Variants in ZNF804A observed in about 807,000 individuals in gnomAD.
ZNF804A encodes the protein zinc finger protein 804A.
ZNF804A carries 2 observed loss-of-function variants against 16.5 expected under a neutral mutation model. The ratio of observed to expected loss-of-function variants is 0.12; its 90% CI spans 0.05 to 0.38. ZNF804A has a LOEUF of 0.38. Among genes scored for constraint, ZNF804A ranks in the 10% least tolerant of loss-of-function variants. ZNF804A has a pLI of 0.99. For synonymous variants in ZNF804A, 534 were observed against 489.6 expected, an observed-to-expected ratio of 1.09 and a Z score of -1.20; for missense variants, 1,473 against 1,390.7, an observed-to-expected ratio of 1.06 and a Z score of -0.94.
At chr2:184,637,503 T>C (rs1040203949) in intron 1 of ZNF804A, among the ~76,000 whole-genome samples, 2 of 152,188 alleles carry the variant, frequency 1.3e-5, no homozygotes, top group Admixed American at 6.5e-5. Context: ...ATTCCAAATA[T>C]AAAAAGTATA....
intron 2 of ZNF804A, among the ~76,000 whole-genome samples, chr2:184,906,806 T>C (rs909561248): frequency 6.6e-6 from 1 of 152,204 alleles, no homozygotes; most frequent in Admixed American, 6.5e-5. Context: ...TCTAATTCCC[T>C]GAGCTCTTTA....
At chr2:184,682,844 A>C (rs1324800226) in intron 1 of ZNF804A, among the ~76,000 whole-genome samples, 2 of 152,074 alleles carry the variant, frequency 1.3e-5, no homozygotes, top group Non-Finnish European at 2.9e-5. Flanking sequence ...AGATCTCTAC[A>C]AAAAAATACA....
chr2:184,745,509 C>T (rs1693776966), intron 1 of ZNF804A, among the ~76,000 whole-genome samples: 1 of 151,542 alleles, frequency 6.6e-6, no homozygotes, highest in Non-Finnish European at 1.5e-5. Context: ...ATGTAATTAT[C>T]ACTATCCTTC....
intron 1 of ZNF804A, among the ~76,000 whole-genome samples, chr2:184,615,706 A>G (rs1475703427): frequency 1.3e-5 from 2 of 152,098 alleles, no homozygotes; most frequent in African/African-American, 4.8e-5. Context: ...ATAGGCAGTG[A>G]TATAAGGAAT....
intron 1 of ZNF804A, among the ~76,000 whole-genome samples, chr2:184,722,056 G>A (rs549376981): frequency 6.6e-6 from 1 of 152,026 alleles, no homozygotes; most frequent in South Asian, 2.1e-4. Context: ...GGTAGAGAGT[G>A]GAATGATAGA....
intron 1 of ZNF804A, among the ~76,000 whole-genome samples, chr2:184,704,340 C>T (rs1203838715): frequency 1.3e-5 from 2 of 151,858 alleles, no homozygotes; most frequent in African/African-American, 4.8e-5. Flanking sequence ...TTAGTAGAGA[C>T]GGGGTTTCTC....
chr2:184,647,990 G>A (rs1176830157), intron 1 of ZNF804A, among the ~76,000 whole-genome samples: 1 of 152,092 alleles, frequency 6.6e-6, no homozygotes, highest in South Asian at 2.1e-4. Context: ...TAGATAAAAA[G>A]CTCAAATAAT....
At chr2:184,697,405 T>C (rs140622098) in intron 1 of ZNF804A, among the ~76,000 whole-genome samples, 8 of 152,204 alleles carry the variant, frequency 5.3e-5, no homozygotes, top group Non-Finnish European at 1.0e-4. Context: ...ATAGGTGAGT[T>C]TGATATCCCA....
Position 184,696,366 on chromosome 2 carries a change from G to A in ZNF804A, c.111+97296G>A, listed in dbSNP as rs189855773. ...GAAATCTCATGTATGTAGAATCAAAGTCTGAAATCTAGTAAAAAGAGGGAT... is the reference window on the plus strand; with the variant it reads ...GAAATCTCATGTATGTAGAATCAAAATCTGAAATCTAGTAAAAAGAGGGAT... On this transcript the variant is annotated intron_variant, in intron 1 of 3. Coordinates refer to ENST00000302277, the MANE Select transcript of ZNF804A (RefSeq NM_194250.2). Among the ~76,000 whole-genome samples the A allele has an allele frequency of 3.0e-3, 453 of 152,196 alleles. 1 individual carries two copies. The highest frequency in any genetic ancestry group is 0.011 in the African/African-American group (439 of 41,524).
At chr2:184,687,309 C>A (rs1257500368) in intron 1 of ZNF804A, among the ~76,000 whole-genome samples, 1 of 152,100 alleles carries the variant, frequency 6.6e-6, no homozygotes, top group African/African-American at 2.4e-5. Flanking sequence ...TACTGTCGGC[C>A]TTGTCAAAGA....
At chr2:184,636,454 A>T (rs13401701) in intron 1 of ZNF804A, among the ~76,000 whole-genome samples, 52,189 of 90,872 alleles carry the variant, frequency 0.57, 12,591 homozygotes, top group Middle Eastern at 0.61. Flanking sequence ...TGTGTGTGTG[A>T]GAGAGAGAGA....
At chr2:184,919,043 T>A (rs1685493004) in intron 2 of ZNF804A, among the ~76,000 whole-genome samples, 1 of 152,176 alleles carries the variant, frequency 6.6e-6, no homozygotes, top group South Asian at 2.1e-4. Flanking sequence ...AGAAGTTAAT[T>A]TCTTAAGCCT....
chr2:184,744,414 G>A (rs748192467), intron 1 of ZNF804A, among the ~76,000 whole-genome samples: 1 of 151,796 alleles, frequency 6.6e-6, no homozygotes, highest in Non-Finnish European at 1.5e-5. Context: ...AAAGTGATTA[G>A]ACCATGAGGG....
At chr2:184,622,493 AT>A (rs1338622545) in intron 1 of ZNF804A, among the ~76,000 whole-genome samples, 3 of 151,800 alleles carry the variant, frequency 2.0e-5, no homozygotes. Flanking sequence ...TTAATATAAT[AT>A]TTTACATTAT....
intron 1 of ZNF804A, among the ~76,000 whole-genome samples, chr2:184,695,385 C>T (rs1013058286): frequency 6.9e-6 from 1 of 145,296 alleles, no homozygotes; most frequent in South Asian, 2.2e-4. Context: ...GGCGTGAACC[C>T]GGTAGGCGGA....
chr2:184,872,987 G>T (rs1695998221), intron 2 of ZNF804A, among the ~76,000 whole-genome samples: 1 of 152,154 alleles, frequency 6.6e-6, no homozygotes. Flanking sequence ...CAGGTCAATA[G>T]TGAAGGGATA....
Position 184,842,453 on chromosome 2 carries a change from G to A in ZNF804A, c.112-23916G>A, listed in dbSNP as rs540300569. Among the ~76,000 whole-genome samples the A allele has an allele frequency of 1.9e-3, 295 of 151,684 alleles. 1 individual carries two copies. Among genetic ancestry groups the A allele is most frequent in the African/African-American group, 6.8e-3 (283 of 41,402 alleles). ...AAAAATTCACAAAGCTAGAAGTTTT[G>A]AGAACTATTATTTTACCTTATTTTG... On this transcript the variant is annotated intron_variant, in intron 1 of 3. Coordinates refer to ENST00000302277, the MANE Select transcript of ZNF804A (RefSeq NM_194250.2).
intron 1 of ZNF804A, among the ~76,000 whole-genome samples, chr2:184,822,468 C>T (rs943865885): frequency 6.6e-5 from 10 of 151,902 alleles, no homozygotes; most frequent in African/African-American, 1.9e-4. Context: ...TGGATTGATT[C>T]GTGCAGCAAA....
rs185658732 is a variant in ZNF804A, at chr2:184,783,933, A to G, written c.112-82436A>G. ...TATTGCAATGCCATAAAATAATTTT[A>G]AGACAATCACCACATTTAGATTGAA... On this transcript the variant is annotated intron_variant, in intron 1 of 3. Transcript: ENST00000302277. Among the ~76,000 whole-genome samples, 767 of 152,130 alleles carry G rather than the reference A, an allele frequency of 5.0e-3. 6 individuals carry two copies. Among genetic ancestry groups the G allele is most frequent in the African/African-American group, 0.018 (737 of 41,532 alleles).
Sources: gnomAD v4.1 joint callset for allele counts (sites outside exome capture counted in the v4.1 genomes callset) on GRCh38, gnomAD v4.1.1 for gene constraint, MANE v1.5 for transcripts, NCBI Gene and HGNC (gene_info 2026-07-23, HGNC 2026-07-21) for gene names.